STIM2: variants seen among roughly 807,000 people sequenced by gnomAD.
STIM2 encodes stromal interaction molecule 2.
Under a neutral mutation model 85.8 loss-of-function variants are expected in STIM2, and 31 were observed. The observed-to-expected ratio is 0.36, with a 90% confidence interval of 0.27 to 0.49. The LOEUF (loss-of-function observed/expected upper bound fraction) is 0.49, where lower values mean the gene tolerates loss of function less well. Ranked by LOEUF, STIM2 falls within the 20% of genes least tolerant of loss-of-function variation. The pLI is 0.98. For synonymous variants in STIM2, 356 were observed against 331.1 expected (o/e 1.08, Z -0.82); for missense variants, 841 against 927.6 (o/e 0.91, Z 1.21).
intron 3 of STIM2, among the ~76,000 whole-genome samples, chr4:26,970,171 A>G (rs1170918606): frequency 6.8e-6 from 1 of 146,652 alleles, no homozygotes; most frequent in African/African-American, 2.5e-5. Context: ...AATCTGTTTT[A>G]GGATATTGTT....
chr4:26,901,685 A>G (rs1469409210), intron 1 of STIM2, among the ~76,000 whole-genome samples: 1 of 152,134 alleles, frequency 6.6e-6, no homozygotes, highest in Non-Finnish European at 1.5e-5. Flanking sequence ...GAGGGTGAAT[A>G]TTTTATGCTA....
At chr4:26,917,979 G>A (rs1724649435) in intron 1 of STIM2, among the ~76,000 whole-genome samples, 1 of 152,070 alleles carries the variant, frequency 6.6e-6, no homozygotes, top group Non-Finnish European at 1.5e-5. Flanking sequence ...TGACCATTAT[G>A]CCTCCGAGTT....
intron 1 of STIM2, among the ~76,000 whole-genome samples, chr4:26,889,148 T>C (rs1452287501): frequency 6.6e-6 from 1 of 152,216 alleles, no homozygotes; most frequent in Non-Finnish European, 1.5e-5. Context: ...TATTTCTCTC[T>C]CTGGATTCTG....
intron 3 of STIM2, among the ~76,000 whole-genome samples, chr4:26,970,206 T>C (rs1726887239): frequency 3.3e-4 from 3 of 9,044 alleles, no homozygotes; most frequent in Non-Finnish European, 9.4e-4. Flanking sequence ...TGTGTATATA[T>C]ATATATATAT....
intron 1 of STIM2, among the ~76,000 whole-genome samples, chr4:26,868,563 G>A (rs1164677058): frequency 6.6e-6 from 1 of 152,148 alleles, no homozygotes; most frequent in Non-Finnish European, 1.5e-5. Context: ...AAAGTGATTT[G>A]TAGTTTCTTA....
intron 1 of STIM2, among the ~76,000 whole-genome samples, chr4:26,903,958 T>A (rs537473665): frequency 1.2e-4 from 19 of 152,200 alleles, no homozygotes; most frequent in African/African-American, 3.9e-4. Context: ...ACTTTTTTTT[T>A]ATTATACTTT....
chr4:26,991,653 G>C (rs1454726737), intron 3 of STIM2, among the ~76,000 whole-genome samples: 2 of 152,018 alleles, frequency 1.3e-5, no homozygotes, highest in Non-Finnish European at 2.9e-5. Flanking sequence ...ATCACACATT[G>C]TATACGTGTA....
intron 3 of STIM2, among the ~76,000 whole-genome samples, chr4:26,970,234 TATATATATATATGTATG>T (rs1266561366): frequency 1.0e-3 from 32 of 31,090 alleles, no homozygotes; most frequent in African/African-American, 2.3e-3. Flanking sequence ...TATATATATA[TATATATATATATGTATG>T]TATTTTTTTA....
chr4:26,956,219 A>G (rs1282375042), intron 2 of STIM2, among the ~76,000 whole-genome samples: 2 of 152,190 alleles, frequency 1.3e-5, no homozygotes, highest in East Asian at 3.8e-4. Context: ...ATTGAGGTAG[A>G]AAAAGCATAA....
At chr4:27,001,795 A>G (rs551076812) in intron 5 of STIM2, among the ~76,000 whole-genome samples, 1 of 152,322 alleles carries the variant, frequency 6.6e-6, no homozygotes, top group African/African-American at 2.4e-5. Context: ...GATCAGGTTT[A>G]TAAGTGTGAG....
chr4:26,894,836 T>C (rs1015886748), intron 1 of STIM2, among the ~76,000 whole-genome samples: 12 of 152,356 alleles, frequency 7.9e-5, no homozygotes, highest in Middle Eastern at 3.4e-3. Flanking sequence ...AAAAAACCTA[T>C]TGGAACTGCA....
chr4:26,915,778 A>C (rs1401127022), intron 1 of STIM2, among the ~76,000 whole-genome samples: 2 of 152,162 alleles, frequency 1.3e-5, no homozygotes, highest in African/African-American at 4.8e-5. Flanking sequence ...GCTGTATCAC[A>C]CTATGTTGCA....
intron 3 of STIM2, among the ~76,000 whole-genome samples, chr4:26,968,076 C>T (rs1726798092): frequency 6.6e-6 from 1 of 152,116 alleles, no homozygotes; most frequent in Non-Finnish European, 1.5e-5. Context: ...GAGGCTGAGG[C>T]AGGAGGATCA....
At chr4:26,862,705 G>A (rs1722264649) in intron 1 of STIM2, among the ~76,000 whole-genome samples, 1 of 152,128 alleles carries the variant, frequency 6.6e-6, no homozygotes, top group African/African-American at 2.4e-5. Context: ...TTGGGTAACT[G>A]GGATAAAGTG....
intron 1 of STIM2, among the ~76,000 whole-genome samples, chr4:26,878,114 A>G (rs1167156461): frequency 6.6e-6 from 1 of 152,176 alleles, no homozygotes; most frequent in African/African-American, 2.4e-5. Context: ...GGACTAAGAC[A>G]CTGCTCTGTT....
intron 3 of STIM2, among the ~76,000 whole-genome samples, chr4:26,975,427 T>A (rs1046267021): frequency 7.9e-5 from 12 of 152,226 alleles, no homozygotes; most frequent in African/African-American, 2.9e-4. Flanking sequence ...GGGGTTTTGG[T>A]GTAGATGACC....
At chr4:26,931,041 A>G (rs913780223) in intron 2 of STIM2, among the ~76,000 whole-genome samples, 1 of 151,926 alleles carries the variant, frequency 6.6e-6, no homozygotes, top group African/African-American at 2.4e-5. Context: ...TTAAAAACCT[A>G]CTCATATAGC....
chr4:26,947,449 T>C (rs892014601), intron 2 of STIM2, among the ~76,000 whole-genome samples: 1 of 152,186 alleles, frequency 6.6e-6, no homozygotes, highest in African/African-American at 2.4e-5. Context: ...TTGATTCAGG[T>C]ACTCATAATA....
chr4:26,930,475 GT>G (rs34169234), intron 2 of STIM2, among the ~76,000 whole-genome samples: 83,976 of 151,142 alleles, frequency 0.56, 23,833 homozygotes, highest in African/African-American at 0.7. Context: ...AGTTTTAGAG[GT>G]TTTTTTTTAT....
Sources: gnomAD v4.1 joint callset for allele counts (sites outside exome capture counted in the v4.1 genomes callset) on GRCh38, gnomAD v4.1.1 for gene constraint, MANE v1.5 for transcripts, NCBI Gene and HGNC (gene_info 2026-07-23, HGNC 2026-07-21) for gene names.